Variants in PLCH2 observed in about 807,000 individuals in gnomAD.
The protein encoded by PLCH2 is 1-phosphatidylinositol 4,5-bisphosphate phosphodiesterase eta-2.
Under a neutral mutation model 134.7 loss-of-function variants are expected in PLCH2, and 98 were observed. The ratio of observed to expected loss-of-function variants is 0.73; its 90% CI spans 0.62 to 0.86. The LOEUF (loss-of-function observed/expected upper bound fraction) is 0.86, where lower values mean the gene tolerates loss of function less well. Among genes scored for constraint, PLCH2 ranks in the 40% least tolerant of loss-of-function variants. The pLI, the probability that PLCH2 is intolerant of heterozygous loss-of-function variation, is 0.00. For synonymous variants in PLCH2, 974 were observed against 827.5 expected (o/e 1.18, Z -3.04); for missense variants, 1,994 against 1,986.6 (o/e 1.00, Z -0.07).
In PLCH2 at chr1:2,480,219, C is replaced by T. The variant is rs548807888; in HGVS notation, c.552C>T (p.Asn184=). 26 of 1,612,866 alleles carry T rather than the reference C, an allele frequency of 1.6e-5. No individual in the cohort carries two copies. The African/African-American group carries it at 2.0e-4, about 12-fold the overall frequency. ...AGACGTTTGACGAGGCCGACAAGAA[C>T]GGGGATGGCAGCCTGAGCATTGGCG... ...LKQTFDEADK[N]GDGSLSIGEV... Residue 184 remains asparagine (N), a synonymous_variant, in exon 4 of 22, where the codon AAC becomes AAT. Transcript: ENST00000378486.
intron 2 of PLCH2, among the ~76,000 whole-genome samples, chr1:2,450,739 C>T (rs537601078): frequency 4.1e-4 from 41 of 101,190 alleles, no homozygotes; most frequent in African/African-American, 1.5e-3. Context: ...CTACCCCCCG[C>T]TCCCCGCCTG....
chr1:2,436,402 T>TCCCTCCTC (rs1193788466), intron 2 of PLCH2, among the ~76,000 whole-genome samples: 5 of 34,650 alleles, frequency 1.4e-4, no homozygotes, highest in Admixed American at 3.1e-4. Flanking sequence ...CCACCTTTCC[T>TCCCTCCTC]CCTTCCTCCC....
Position 2,436,378 on chromosome 1 carries a change from C to CACCTT in PLCH2, c.115+5749_115+5750insACCTT, listed in dbSNP as rs1222796520. ...TTCCTCCCTCCTCCCTTCCTCCCTC[C>CACCTT]TCCCTTCCTCCCTCCACCTTTCCTC... On this transcript the variant is annotated intron_variant, in intron 2 of 3. Transcript: ENST00000609981. 8.3e-5 allele frequency among the ~76,000 whole-genome samples: 6 copies of CACCTT among 72,214 alleles called. 1 individual carries two copies. The highest frequency in any genetic ancestry group is 1.4e-4 in the Admixed American group (1 of 7,128). 47.4% of individuals were successfully genotyped at this position (72,214 alleles called of 152,430 possible).
At chr1:2,495,464 C>T (rs1642832571) in intron 12 of PLCH2, 24 bp from the exon 13 acceptor site, 12 of 1,548,048 alleles carry the variant, frequency 7.8e-6, no homozygotes, top group Non-Finnish European at 1.0e-5. Flanking sequence ...GGCCCTACAG[C>T]TCACACCTCT....
At chr1:2,449,755 A>G (rs1428635443) in intron 2 of PLCH2, among the ~76,000 whole-genome samples, 1 of 152,222 alleles carries the variant, frequency 6.6e-6, no homozygotes, top group Non-Finnish European at 1.5e-5. Flanking sequence ...AGCCAGCAGT[A>G]GTATGTTATG....
chr1:2,491,919 C>T (rs1024159398), intron 11 of PLCH2, among the ~76,000 whole-genome samples: 8 of 133,010 alleles, frequency 6.0e-5, no homozygotes, highest in African/African-American at 1.4e-4. Flanking sequence ...TTGCAGACCT[C>T]GAAGGAGCCA....
At chr1:2,418,743 G>A in the PLCH2 span, among the ~76,000 whole-genome samples, 2 of 152,210 alleles carry the variant, frequency 1.3e-5, no homozygotes, top group East Asian at 3.9e-4. Flanking sequence ...GCGAGTGGGA[G>A]TGAGCCGTGT....
Position 2,504,154 on chromosome 1 carries a change from C to G in PLCH2, c.3192C>G (p.Ala1064=). The G allele has an allele frequency of 1.3e-6, 2 of 1,524,220 alleles. No homozygotes were observed. The highest frequency in any genetic ancestry group is 1.8e-6 in the Non-Finnish European group (2 of 1,137,636). The allele number at this position is 1,524,220 out of a possible 1,614,324, so 94.4% of individuals were successfully genotyped here. ...CTCGGCCGTGCAACGGCGAGGGCGC[C>G]GGCGGGGCATACGAGAGGGCCCCCG... ...SRPRPCNGEG[A]GGAYERAPGS... Residue 1064 remains alanine (A), a synonymous_variant, in exon 22 of 22, where the codon GCC becomes GCG. Coordinates refer to ENST00000378486, the MANE Select transcript of PLCH2 (RefSeq NM_014638.4).
chr1:2,475,993 C>T (rs747110456), upstream of PLCH2, among the ~76,000 whole-genome samples: 10 of 152,222 alleles, frequency 6.6e-5, no homozygotes, highest in Non-Finnish European at 1.0e-4. Flanking sequence ...GGCCCAGCCT[C>T]GGCATCTGTG....
In PLCH2 at chr1:2,498,235, A is replaced by C; in HGVS notation, c.2225-288A>C. On this transcript the variant is annotated intron_variant, in intron 16 of 21. Transcript: ENST00000378486. The surrounding 1 kb of genome is among the most constrained non-coding windows in gnomAD (Gnocchi z 5.4). ...ACTGTCACCAGAGACCCCACCCCTC[A>C]TACCCCCAGGGACCCAGACCCACCC... is the stretch of plus-strand genomic sequence containing the variant. 5.8e-5 allele frequency: 21 copies of C among 362,522 alleles called. No homozygotes were observed. The highest frequency in any genetic ancestry group is 3.3e-4 in the East Asian group (6 of 18,134). 22.5% of individuals were successfully genotyped at this position (362,522 alleles called of 1,614,324 possible).
intron 2 of PLCH2, among the ~76,000 whole-genome samples, chr1:2,441,855 A>G (rs748279515): frequency 1.9e-4 from 29 of 152,038 alleles, no homozygotes; most frequent in Admixed American, 3.3e-4. Context: ...AGGCAGCCAC[A>G]CCTCAGGGCG....
At chr1:2,483,874 T>G (rs1642129785) in intron 4 of PLCH2, among the ~76,000 whole-genome samples, 1 of 96,194 alleles carries the variant, frequency 1.0e-5, no homozygotes, top group Non-Finnish European at 2.2e-5. Context: ...CTGACCCCCG[T>G]GTGGGTGGCG....
At chr1:2,455,508 G>A (rs542358969) in intron 2 of PLCH2, among the ~76,000 whole-genome samples, 3 of 152,172 alleles carry the variant, frequency 2.0e-5, no homozygotes, top group African/African-American at 7.2e-5. Flanking sequence ...TACTGGGGGC[G>A]CAGGGAGGCT....
the PLCH2 span, among the ~76,000 whole-genome samples, chr1:2,417,420 T>TTCCCAGCA: frequency 6.6e-6 from 1 of 151,682 alleles, no homozygotes; most frequent in Non-Finnish European, 1.5e-5. Context: ...CCTGCCCAGC[T>TTCCCAGCA]TCCCAGCCTC....
upstream of PLCH2, among the ~76,000 whole-genome samples, chr1:2,463,637 G>C (rs1010776867): frequency 2.0e-5 from 3 of 151,410 alleles, no homozygotes; most frequent in African/African-American, 7.3e-5. Context: ...GCAGCCCGGA[G>C]ACTGGTCAGA....
At chr1:2,493,503 G>A (rs926536212) in intron 11 of PLCH2, 3 of 152,290 alleles carry the variant, frequency 2.0e-5, no homozygotes, top group African/African-American at 7.2e-5. Flanking sequence ...TCCTGCTGCA[G>A]TGCACGTGGG....
At chr1:2,496,550 C>A in intron 13 of PLCH2, 57 bp from the exon 14 acceptor site, 1 of 1,417,186 alleles carries the variant, frequency 7.1e-7, no homozygotes, top group Non-Finnish European at 9.8e-7. Flanking sequence ...TCTCACGGAG[C>A]TGGGTGCCAG....
chr1:2,445,698 G>T (rs1285805320), intron 2 of PLCH2, among the ~76,000 whole-genome samples: 1 of 152,172 alleles, frequency 6.6e-6, no homozygotes, highest in African/African-American at 2.4e-5. Flanking sequence ...CCTCCTAGGT[G>T]GTGGTGGGGG....
rs1167891347 is a variant in PLCH2, at chr1:2,479,762, T to C, written c.300T>C (p.Ser100=). The C allele has an allele frequency of 1.3e-6, 2 of 1,548,020 alleles. No homozygotes were observed. Among genetic ancestry groups the C allele is most frequent in the Non-Finnish European group, 1.7e-6 (2 of 1,144,458 alleles). ...CCATCGACTCCATCCAGGAGGTGAGTGAGGGGCGGCAGTCGGAGGTCTTCC... is the reference window on the plus strand; with the variant it reads ...CCATCGACTCCATCCAGGAGGTGAGCGAGGGGCGGCAGTCGGAGGTCTTCC... ...KISIDSIQEV[S]EGRQSEVFQR... Residue 100 remains serine, a synonymous_variant, in exon 3 of 22, where the codon AGT becomes AGC. Coordinates refer to ENST00000378486, the MANE Select transcript of PLCH2 (RefSeq NM_014638.4).
Sources: gnomAD v4.1 joint callset for allele counts (sites outside exome capture counted in the v4.1 genomes callset) on GRCh38, gnomAD v4.1.1 for gene constraint, Gnocchi (gnomAD v3.1) non-coding constraint, MANE v1.5 for transcripts, NCBI Gene and HGNC (gene_info 2026-07-23, HGNC 2026-07-21) for gene names.